The following BRD1 variants were observed in gnomAD, a reference collection of about 807,000 sequenced individuals.
BRD1 encodes the protein bromodomain containing 1.
A neutral mutation model predicts 107.7 loss-of-function variants in BRD1; 24 were observed. That is an observed-to-expected ratio of 0.22 (90% confidence interval 0.16 to 0.31). The LOEUF is 0.31. Among genes scored for constraint, BRD1 ranks in the 10% least tolerant of loss-of-function variants. BRD1 has a pLI of 1.00. For missense variants in BRD1, 1,279 were observed against 1,638.6 expected (o/e 0.78, Z 3.79); for synonymous variants, 744 against 686.1 (o/e 1.08, Z -1.32).
Position 49,803,117 on chromosome 22 carries a change from C to A in BRD1, c.1524+1087G>T, listed in dbSNP as rs2059672183. Among the ~76,000 whole-genome samples, 1 of 152,236 alleles carries A rather than the reference C, an allele frequency of 6.6e-6. No individual in the cohort carries two copies. Reference sequence around the variant, plus strand: ...ACCAAATCAGACCCACAAACCACCACCTGCCAGACCAGAGCACCAGACTCT... The same window carrying A: ...ACCAAATCAGACCCACAAACCACCAACTGCCAGACCAGAGCACCAGACTCT... On this transcript the variant is annotated intron_variant, in intron 3 of 12. Coordinates refer to ENST00000404760, the MANE Select transcript of BRD1 (RefSeq NM_001304808.3). This position sits in a 1 kb window ranked among gnomAD's most constrained non-coding sequence, Gnocchi z 4.4.
intron 12 of BRD1, 104 bp from the exon 13 acceptor site, chr22:49,774,520 G>A (rs1170913491): frequency 4.8e-6 from 6 of 1,262,312 alleles, no homozygotes; most frequent in Non-Finnish European, 6.6e-6. Flanking sequence ...ATAGAAAGGG[G>A]CCCTGCTCAG....
At chr22:49,793,625 G>A (rs576750753) in intron 7 of BRD1, among the ~76,000 whole-genome samples, 4 of 152,214 alleles carry the variant, frequency 2.6e-5, no homozygotes. Flanking sequence ...ATGGCCTAGC[G>A]CACAATTAAA....
At chr22:49,826,824 G>C (rs904630235) in intron 1 of BRD1, among the ~76,000 whole-genome samples, 2 of 152,224 alleles carry the variant, frequency 1.3e-5, no homozygotes, top group East Asian at 3.9e-4. Flanking sequence ...GCGGGGCAGG[G>C]GGTCCCGCTG....
intron 2 of BRD1, among the ~76,000 whole-genome samples, chr22:49,810,076 G>T (rs1007970000): frequency 1.3e-5 from 2 of 152,074 alleles, no homozygotes; most frequent in Non-Finnish European, 2.9e-5. Flanking sequence ...CACGTCCTTT[G>T]CCCACAGCAC....
At chr22:49,777,358 C>T (rs1434161300) in intron 9 of BRD1, among the ~76,000 whole-genome samples, 197 bp from the exon 10 acceptor site, 1 of 152,242 alleles carries the variant, frequency 6.6e-6, no homozygotes, top group East Asian at 1.9e-4. Context: ...CCAAAGTGGC[C>T]TTCACAGGGC....
intron 8 of BRD1, among the ~76,000 whole-genome samples, chr22:49,781,193 A>C (rs907641421): frequency 2.0e-5 from 3 of 152,262 alleles, no homozygotes; most frequent in African/African-American, 7.2e-5. Context: ...TGAACACAGA[A>C]ATGTCCCTCT....
rs1340045670 is a variant in BRD1 at position 49,792,120 on chromosome 22, A to C, written c.2359+1914T>G. ...TGCGAGGTCCTCAGTCCTGTGACCC[A>C]ATAACCGTGCGGGGTCCTCAGCCCT... On this transcript the variant is annotated intron_variant, in intron 7 of 12. Transcript: ENST00000404760. This position sits in a 1 kb window ranked among gnomAD's most constrained non-coding sequence, Gnocchi z 4.2. Among the ~76,000 whole-genome samples the C allele has an allele frequency of 6.6e-6, 1 of 152,092 alleles. No individual in the cohort carries two copies. The highest frequency in any genetic ancestry group is 1.5e-5 in the Non-Finnish European group (1 of 68,006).
Position 49,775,635 on chromosome 22 carries a change from A to T in BRD1, c.3342T>A (p.Asp1114Glu). Residue 1114 changes from aspartate to glutamate, a missense_variant, in exon 12 of 13, where the codon GAT becomes GAA. By Grantham distance (45) the Asp-to-Glu change is conservative. Transcript: ENST00000404760. Reference sequence around the variant, plus strand: ...AAAAGAGAACGAGGAACAGCTTCTCATCAGACTTGGTCTGCATGTGCTCCC... The same window carrying T: ...AAAAGAGAACGAGGAACAGCTTCTCTTCAGACTTGGTCTGCATGTGCTCCC... ...KIGEHMQTKS[D>E]EKLFLVLFFD... 1 of 1,612,480 alleles carries T rather than the reference A, an allele frequency of 6.2e-7. No homozygotes were observed. Among genetic ancestry groups the T allele is most frequent in the Non-Finnish European group, 8.5e-7 (1 of 1,178,908 alleles).
intron 6 of BRD1, among the ~76,000 whole-genome samples, chr22:49,795,622 A>G (rs2059516292): frequency 6.6e-6 from 1 of 152,260 alleles, no homozygotes; most frequent in East Asian, 1.9e-4. Context: ...CTAAGAAGAC[A>G]GGGAGTCCAA....
chr22:49,805,185 A>G (rs1011675197), intron 2 of BRD1, among the ~76,000 whole-genome samples: 3 of 152,220 alleles, frequency 2.0e-5, no homozygotes, highest in African/African-American at 7.2e-5. Context: ...GTCTCCCAAG[A>G]AATGCAAAGT....
chr22:49,774,590 C>T (rs918949831), intron 12 of BRD1, among the ~76,000 whole-genome samples, 174 bp from the exon 13 acceptor site: 4 of 152,110 alleles, frequency 2.6e-5, no homozygotes, highest in Non-Finnish European at 5.9e-5. Flanking sequence ...GTGCACCCCT[C>T]CCTTCCCCTC....
At chr22:49,798,898 G>A (rs1400546382) in intron 4 of BRD1, 90 bp downstream of exon 4, 2 of 1,500,582 alleles carry the variant, frequency 1.3e-6, no homozygotes, top group African/African-American at 2.8e-5. Context: ...GGACCCACCG[G>A]GTGCAGCCCA....
At chr22:49,794,352 A>G in intron 6 of BRD1, 58 bp from the exon 7 acceptor site, 1 of 1,549,042 alleles carries the variant, frequency 6.5e-7, no homozygotes, top group East Asian at 2.3e-5. Context: ...CTGGGAACAC[A>G]TCACCGGTCC....
At chr22:49,781,408 G>T (rs551809778) in intron 8 of BRD1, among the ~76,000 whole-genome samples, 1 of 152,314 alleles carries the variant, frequency 6.6e-6, no homozygotes, top group Non-Finnish European at 1.5e-5. Context: ...CCCACCTGGG[G>T]AGGCGGAGGC....
At chr22:49,781,220 T>A (rs1036691798) in intron 8 of BRD1, among the ~76,000 whole-genome samples, 1 of 152,072 alleles carries the variant, frequency 6.6e-6, no homozygotes, top group Admixed American at 6.5e-5. Flanking sequence ...CCAAAGGAGA[T>A]GGCGCAAAGG....
In BRD1 at chr22:49,823,114, C is replaced by T. The variant is rs1254272998; in HGVS notation, c.1204G>A (p.Gly402Arg). ...GCTRRPLNIY[G>R]DVEMKNGVCR... The stretch of plus-strand genomic sequence containing the variant: ...ACGCCATTTTTCATTTCGACATCCC[C>T]GTAAATATTCAGAGGCCTCCGGGTG... The change falls in exon 2 of 13, where the codon GGG becomes AGG. Residue 402 changes from glycine (G) to arginine (R), a missense_variant. Physicochemically the swap from Gly to Arg is moderately radical, Grantham distance 125. Around this residue, in one of 7 missense-constraint regions of BRD1, gnomAD observed 158 missense variants for 310.2 expected, o/e 0.51. Coordinates refer to ENST00000404760, the MANE Select transcript of BRD1 (RefSeq NM_001304808.3). The T allele has an allele frequency of 4.3e-6, 7 of 1,614,062 alleles. No individual in the cohort carries two copies. The Admixed American group carries it at 1.0e-4, about 23-fold the overall frequency.
At position 49,822,965 on chromosome 22, in the gene BRD1, A is replaced by G; in HGVS notation, c.1353T>C (p.Tyr451=). ...CAVLPTVCAP[Y]IPPQRLNRIA... ...GACACGCTTACCTCTGCGGGGGAATATAAGGAGCGCACACGGTCGGCAGGA... is the reference window on the plus strand; with the variant it reads ...GACACGCTTACCTCTGCGGGGGAATGTAAGGAGCGCACACGGTCGGCAGGA... Residue 451 remains tyrosine (Y), a synonymous_variant, in exon 2 of 13, where the codon TAT becomes TAC. Coordinates refer to ENST00000404760, the MANE Select transcript of BRD1 (RefSeq NM_001304808.3). 6.2e-7 allele frequency: 1 copy of G among 1,614,058 alleles called. No individual in the cohort carries two copies. Among genetic ancestry groups the G allele is most frequent in the Non-Finnish European group, 8.5e-7 (1 of 1,179,990 alleles).
chr22:49,793,500 G>A (rs1044877647), intron 7 of BRD1, among the ~76,000 whole-genome samples: 9 of 152,286 alleles, frequency 5.9e-5, no homozygotes, highest in East Asian at 1.9e-4. Context: ...GGAGCTGGCC[G>A]GGGACCCTCG....
At chr22:49,793,028 A>G (rs1047196992) in intron 7 of BRD1, among the ~76,000 whole-genome samples, 5 of 152,148 alleles carry the variant, frequency 3.3e-5, no homozygotes, top group Non-Finnish European at 7.4e-5. Context: ...GTCTTATTTC[A>G]ACTGTCTGCT....
Sources: gnomAD v4.1 joint callset for allele counts (sites outside exome capture counted in the v4.1 genomes callset) on GRCh38, gnomAD v4.1.1 for gene constraint, gnomAD v4.1.1 regional missense constraint, Gnocchi (gnomAD v3.1) non-coding constraint, MANE v1.5 for transcripts, NCBI Gene and HGNC (gene_info 2026-07-23, HGNC 2026-07-21) for gene names.